The following PARP1 variants were observed in gnomAD, a reference collection of about 807,000 sequenced individuals.
The protein encoded by PARP1 is poly(ADP-ribose) polymerase 1, also known as poly [ADP-ribose] polymerase 1.
A neutral mutation model predicts 118.7 loss-of-function variants in PARP1; 44 were observed. The observed-to-expected ratio is 0.37, with a 90% confidence interval of 0.29 to 0.48. The LOEUF (loss-of-function observed/expected upper bound fraction) is 0.48. Ranked by LOEUF, PARP1 falls within the 20% of genes least tolerant of loss-of-function variation. The pLI is 0.99. For missense variants in PARP1, 1,100 were observed against 1,272.4 expected (o/e 0.86, Z 2.06); for synonymous variants, 492 against 483.2 (o/e 1.02, Z -0.24).
In PARP1 at chr1:226,374,274, C is replaced by T. The variant is rs145512649; in HGVS notation, c.2022G>A (p.Lys674=). ...TCATACTTTCCACATCAAAGATCAT[C>T]TTGATGAGGTCCTGAACTGGCTTGG... ...KLPKPVQDLI[K]MIFDVESMKK... is the part of the protein sequence containing the mutation. The change falls in exon 14 of 23, where the codon AAG becomes AAA. Residue 674 remains lysine (K), a synonymous_variant. Coordinates refer to ENST00000366794, the MANE Select transcript of PARP1 (RefSeq NM_001618.4). 1.2e-6 allele frequency: 2 copies of T among 1,613,820 alleles called. No homozygotes were observed. The highest frequency in any genetic ancestry group is 1.7e-5 in the Admixed American group (1 of 60,006).
intron 5 of PARP1, among the ~76,000 whole-genome samples, chr1:226,388,189 T>C (rs953320765): frequency 6.0e-4 from 91 of 152,346 alleles, no homozygotes; most frequent in African/African-American, 2.2e-3. Context: ...ATCAGTCTAT[T>C]CCTTTTTTAA....
intron 2 of PARP1, chr1:226,392,649 C>T (rs1664841575): frequency 1.9e-6 from 1 of 538,648 alleles, no homozygotes; most frequent in Non-Finnish European, 3.3e-6. Flanking sequence ...CCTTAAAAGC[C>T]TGGAAGCATA....
intron 12 of PARP1, among the ~76,000 whole-genome samples, chr1:226,378,091 C>T (rs1576395137): frequency 1.3e-5 from 2 of 152,078 alleles, no homozygotes; most frequent in East Asian, 3.9e-4. Context: ...AGAAGCACTA[C>T]CTTGATCTAC....
At position 226,392,226 on chromosome 1, in the gene PARP1, G is replaced by A; in HGVS notation, c.375C>T (p.Cys125=). The A allele has an allele frequency of 6.2e-7, 1 of 1,613,024 alleles. No individual in the cohort carries two copies. Among genetic ancestry groups the A allele is most frequent in the Non-Finnish European group, 8.5e-7 (1 of 1,179,050 alleles). ...AEYAKSNRST[C]KGCMEKIEKG... ...TTTCTATCTTCTCCATACACCCCTT[G>A]CACGTACTTCTGTTGGACTTGGCAT... The change falls in exon 3 of 23, where the codon TGC becomes TGT. Residue 125 remains cysteine (C), a synonymous_variant. Transcript: ENST00000366794.
In PARP1 at chr1:226,385,449, A is replaced by G. The variant is rs1664695955; in HGVS notation, c.1011+55T>C. The G allele has an allele frequency of 2.6e-6, 4 of 1,523,068 alleles. No individual in the cohort carries two copies. In the Admixed American group the frequency reaches 5.0e-5, roughly 19 times the overall value. 94.3% of individuals were successfully genotyped at this position (1,523,068 alleles called of 1,614,324 possible). ...GACCTGAAGTATAAACAAGCGCAGA[A>G]AGTGGGGCCAGGTTTTTCTCCCAAC... On this transcript the variant is annotated intron_variant, in intron 7 of 22. Transcript: ENST00000366794.
At chr1:226,389,529 T>C (rs141012189) in intron 4 of PARP1, among the ~76,000 whole-genome samples, 1 of 152,330 alleles carries the variant, frequency 6.6e-6, no homozygotes, top group African/African-American at 2.4e-5. Flanking sequence ...GGGCTTCATA[T>C]AGTGTCTGGC....
intron 13 of PARP1, 83 bp from the exon 14 acceptor site, chr1:226,374,437 C>G (rs1296681339): frequency 6.5e-7 from 1 of 1,535,860 alleles, no homozygotes; most frequent in East Asian, 2.2e-5. Flanking sequence ...GGACTGCAGA[C>G]AAAGGACACA....
intron 20 of PARP1, among the ~76,000 whole-genome samples, chr1:226,363,620 C>T (rs1267782660): frequency 6.6e-6 from 1 of 152,200 alleles, no homozygotes; most frequent in African/African-American, 2.4e-5. Flanking sequence ...AAAACTGAAA[C>T]ACTGGTGAGT....
chr1:226,369,984 CAAA>C (rs35298213), intron 15 of PARP1, among the ~76,000 whole-genome samples: 11 of 129,060 alleles, frequency 8.5e-5, no homozygotes, highest in East Asian at 2.3e-4. Context: ...AAAATCCCAC[CAAA>C]AAAAAAAAAA....
chr1:226,402,816 G>A (rs1665063599), intron 1 of PARP1, among the ~76,000 whole-genome samples: 1 of 152,248 alleles, frequency 6.6e-6, no homozygotes, highest in African/African-American at 2.4e-5. Flanking sequence ...CTCCAGGCTT[G>A]CCTGGACTCA....
intron 1 of PARP1, among the ~76,000 whole-genome samples, chr1:226,403,403 C>A (rs1665076849): frequency 6.6e-6 from 1 of 152,250 alleles, no homozygotes; most frequent in Non-Finnish European, 1.5e-5. Flanking sequence ...TGGTCTCGAA[C>A]TTCTGACCTC....
At position 226,390,465 on chromosome 1, in the gene PARP1, C is replaced by T. The variant is rs1805409; in HGVS notation, c.562G>A (p.Ala188Thr). Residue 188 changes from alanine (A) to threonine (T), a missense_variant, in exon 4 of 23, where the codon GCT (alanine) becomes ACT (threonine). Physicochemically the swap from Ala to Thr is moderately conservative, Grantham distance 58 (BLOSUM62 0). Transcript: ENST00000366794. ...ASQLKGFSLL[A>T]TEDKEALKKQ... ...TTCAGGGCTTCTTTATCCTCTGTAG[C>T]AAGGAGGCTGAAGCCCTTGAGCTGA... is the stretch of plus-strand genomic sequence containing the variant. 1,280 of 1,614,172 alleles carry T rather than the reference C, an allele frequency of 7.9e-4. 8 individuals are homozygous for T. In the African/African-American group the frequency reaches 0.014, roughly 17 times the overall value.
intron 3 of PARP1, among the ~76,000 whole-genome samples, chr1:226,391,627 G>A (rs1664820759): frequency 1.3e-5 from 2 of 152,202 alleles, no homozygotes; most frequent in Admixed American, 6.5e-5. Flanking sequence ...GCTCACCTCA[G>A]TTTTCTGTAC....
chr1:226,391,350 C>T (rs1209532714), intron 3 of PARP1, among the ~76,000 whole-genome samples: 1 of 152,102 alleles, frequency 6.6e-6, no homozygotes, highest in Admixed American at 6.6e-5. Flanking sequence ...AACCCACAGG[C>T]AAGAATCCAG....
chr1:226,387,014 A>C (rs1431428469), intron 5 of PARP1, among the ~76,000 whole-genome samples: 2 of 152,004 alleles, frequency 1.3e-5, no homozygotes, highest in Non-Finnish European at 2.9e-5. Flanking sequence ...ATGGAGTCTC[A>C]CTCTGTTGCC....
At chr1:226,371,836 C>T (rs1206770085) in intron 14 of PARP1, among the ~76,000 whole-genome samples, 5 of 150,534 alleles carry the variant, frequency 3.3e-5, no homozygotes, top group African/African-American at 1.2e-4. Flanking sequence ...ACCTAGTTTC[C>T]CTAATTGTAC....
chr1:226,390,702 A>G (rs1664807602), intron 3 of PARP1, 78 bp from the exon 4 acceptor site: 4 of 1,358,842 alleles, frequency 2.9e-6, no homozygotes, highest in Non-Finnish European at 4.1e-6. Context: ...CCTGTGCTCC[A>G]GCCAGTGAGG....
In PARP1 at chr1:226,370,364, A is replaced by AC. The variant is rs1002816433; in HGVS notation, c.2154+69dup. ...ACCTTGAGTAAATGTTACCCCTGCC[A>AC]CCCCCAGGTCTCACCCCCTAAGTCG... On this transcript the variant is annotated intron_variant, in intron 15 of 22. Coordinates refer to ENST00000366794, the MANE Select transcript of PARP1 (RefSeq NM_001618.4). The AC allele has an allele frequency of 5.7e-4, 613 of 1,077,878 alleles. 1 individual carries two copies. Among genetic ancestry groups the AC allele is most frequent in the Admixed American group, 1.5e-3 (88 of 59,316 alleles). The allele number at this position is 1,077,878 out of a possible 1,614,324, so 66.8% of individuals were successfully genotyped here.
intron 14 of PARP1, among the ~76,000 whole-genome samples, chr1:226,372,980 G>T (rs181377880): frequency 3.9e-5 from 6 of 152,166 alleles, no homozygotes; most frequent in Non-Finnish European, 7.3e-5. Context: ...AACAAGCACA[G>T]CGAACAAGCC....
Sources: gnomAD v4.1 joint callset for allele counts (sites outside exome capture counted in the v4.1 genomes callset) on GRCh38, gnomAD v4.1.1 for gene constraint, MANE v1.5 for transcripts, NCBI Gene and HGNC (gene_info 2026-07-23, HGNC 2026-07-21) for gene names.